Variants in DGKB observed in about 807,000 individuals in gnomAD.
The protein encoded by DGKB is diacylglycerol kinase beta.
A neutral mutation model predicts 114.3 loss-of-function variants in DGKB; 67 were observed. The observed-to-expected ratio is 0.59, with a 90% confidence interval of 0.48 to 0.72. DGKB has a LOEUF of 0.72. DGKB is among the 30% of genes least tolerant of loss of function. The pLI is 0.00. For missense variants in DGKB, 907 were observed against 975.2 expected, an observed-to-expected ratio of 0.93 and a Z score of 0.93; for synonymous variants, 398 against 323.1, an observed-to-expected ratio of 1.23 and a Z score of -2.49.
At chr7:14,857,581 TTTTG>T (rs1311615270) in intron 1 of DGKB, among the ~76,000 whole-genome samples, 1 of 152,120 alleles carries the variant, frequency 6.6e-6, no homozygotes, top group Admixed American at 6.6e-5. Flanking sequence ...GGCATCTTAT[TTTTG>T]TTTTATTTTC....
intron 21 of DGKB, among the ~76,000 whole-genome samples, chr7:14,444,199 A>G (rs1226397941): frequency 6.6e-6 from 1 of 151,896 alleles, no homozygotes. Flanking sequence ...CTTTATATCT[A>G]CAACTGCAAC....
chr7:14,165,268 G>A (rs1347626034), intron 25 of DGKB, among the ~76,000 whole-genome samples: 1 of 152,096 alleles, frequency 6.6e-6, no homozygotes, highest in Non-Finnish European at 1.5e-5. Flanking sequence ...ACCTAGAATA[G>A]GTTTTAAATA....
chr7:14,197,616 G>A (rs536690996), intron 23 of DGKB, among the ~76,000 whole-genome samples: 1 of 152,196 alleles, frequency 6.6e-6, no homozygotes, highest in South Asian at 2.1e-4. Flanking sequence ...AAGGAAAATC[G>A]AATTTTAATG....
intron 23 of DGKB, among the ~76,000 whole-genome samples, chr7:14,195,472 A>G (rs1194962697): frequency 2.0e-5 from 3 of 152,298 alleles, no homozygotes; most frequent in South Asian, 2.1e-4. Flanking sequence ...AGCAATGAAA[A>G]GCAATACAAA....
intron 23 of DGKB, among the ~76,000 whole-genome samples, chr7:14,244,405 C>G (rs1480662807): frequency 6.6e-6 from 1 of 151,796 alleles, no homozygotes; most frequent in Admixed American, 6.6e-5. Context: ...GCCTGTAATC[C>G]CAGCACTTTG....
intron 20 of DGKB, among the ~76,000 whole-genome samples, chr7:14,510,263 G>A (rs117773455): frequency 3.9e-5 from 6 of 152,284 alleles, no homozygotes; most frequent in East Asian, 1.9e-4. Context: ...TTTATCCACA[G>A]GAGATCTTTC....
intron 5 of DGKB, among the ~76,000 whole-genome samples, chr7:14,734,505 T>C (rs1831418943): frequency 1.3e-5 from 2 of 152,154 alleles, no homozygotes; most frequent in Admixed American, 1.3e-4. Flanking sequence ...TATTCTCTTT[T>C]GAATGTACAG....
rs764536421 is a variant in DGKB at position 14,682,613 on chromosome 7, G to C, written c.975C>G (p.His325Gln). 6.2e-7 allele frequency: 1 copy of C among 1,613,564 alleles called. No homozygotes were observed. Among genetic ancestry groups the C allele is most frequent in the Non-Finnish European group, 8.5e-7 (1 of 1,179,632 alleles). Residue 325 changes from histidine to glutamine, a missense_variant, in exon 12 of 26, where the codon CAC becomes CAG. His to Gln is a conservative substitution (Grantham distance 24). Around this residue, in one of 3 missense-constraint regions of DGKB, gnomAD observed 814 missense variants for 856.6 expected, o/e 0.95. Coordinates refer to ENST00000402815, the MANE Select transcript of DGKB (RefSeq NM_001350709.2). ...GNCPTKCDKC[H>Q]KTVKCYQGLT... is the part of the protein sequence containing the mutation. ...GGCCCTGGTAACATTTAACAGTTTT[G>C]TGGCACTTATCACACTTGGTTGGGC...
intron 13 of DGKB, among the ~76,000 whole-genome samples, chr7:14,665,126 T>A (rs1420071775): frequency 6.6e-6 from 1 of 151,996 alleles, no homozygotes; most frequent in Non-Finnish European, 1.5e-5. Context: ...TTCCAATTTA[T>A]CAATATAAAA....
chr7:14,754,406 T>A (rs934931904), intron 3 of DGKB, among the ~76,000 whole-genome samples: 1 of 152,176 alleles, frequency 6.6e-6, no homozygotes, highest in East Asian at 1.9e-4. Context: ...GTATATTAGA[T>A]TTTGAATATG....
chr7:14,811,878 A>C (rs1241218549), intron 2 of DGKB, among the ~76,000 whole-genome samples: 1 of 146,660 alleles, frequency 6.8e-6, no homozygotes. Context: ...AACCATCAGC[A>C]CTATGTATCT....
chr7:14,393,662 C>A (rs958373108), intron 21 of DGKB, among the ~76,000 whole-genome samples: 1 of 152,154 alleles, frequency 6.6e-6, no homozygotes, highest in African/African-American at 2.4e-5. Context: ...GCTGATACAA[C>A]ATCTTTAGGC....
chr7:14,157,284 G>A (rs76681193), intron 25 of DGKB, among the ~76,000 whole-genome samples: 4,300 of 151,908 alleles, frequency 0.028, 76 homozygotes, highest in Admixed American at 0.039. Flanking sequence ...ATATGACAGC[G>A]GGAATAAAGT....
intron 21 of DGKB, among the ~76,000 whole-genome samples, chr7:14,384,682 C>T (rs1469754123): frequency 6.6e-6 from 1 of 152,194 alleles, no homozygotes; most frequent in Non-Finnish European, 1.5e-5. Context: ...AAATTCCTTC[C>T]TAACACAAAC....
chr7:14,448,704 AT>A (rs1831056362), intron 21 of DGKB, among the ~76,000 whole-genome samples: 1 of 152,094 alleles, frequency 6.6e-6, no homozygotes, highest in Admixed American at 6.6e-5. Context: ...TTATCCAGGT[AT>A]TTCATACTTG....
At chr7:14,558,485 TA>T (rs1475634981) in intron 20 of DGKB, among the ~76,000 whole-genome samples, 1 of 151,816 alleles carries the variant, frequency 6.6e-6, no homozygotes, top group African/African-American at 2.4e-5. Context: ...ACTTTTTGCG[TA>T]CTTGTAATAT....
At chr7:14,647,397 C>A (rs1813269007) in intron 13 of DGKB, among the ~76,000 whole-genome samples, 1 of 152,042 alleles carries the variant, frequency 6.6e-6, no homozygotes, top group African/African-American at 2.4e-5. Context: ...TGAATTCAAC[C>A]AAACTTTTAA....
intron 23 of DGKB, among the ~76,000 whole-genome samples, chr7:14,234,435 TTCC>T (rs754614957): frequency 4.8e-4 from 73 of 152,150 alleles, no homozygotes; most frequent in Admixed American, 7.9e-4. Flanking sequence ...CAATAAAATA[TTCC>T]TCTCCTTCTT....
chr7:14,662,119 T>C (rs1474074373), intron 13 of DGKB, among the ~76,000 whole-genome samples: 1 of 152,022 alleles, frequency 6.6e-6, no homozygotes, highest in Non-Finnish European at 1.5e-5. Flanking sequence ...GACGAGTTAG[T>C]GGGTGCAGCG....
Sources: gnomAD v4.1 joint callset for allele counts (sites outside exome capture counted in the v4.1 genomes callset) on GRCh38, gnomAD v4.1.1 for gene constraint, gnomAD v4.1.1 regional missense constraint, MANE v1.5 for transcripts, NCBI Gene and HGNC (gene_info 2026-07-23, HGNC 2026-07-21) for gene names.